GTF2IRD1: variants seen among roughly 807,000 people sequenced by gnomAD.
GTF2IRD1 encodes the protein general transcription factor II-I repeat domain-containing protein 1.
A neutral mutation model predicts 113.2 loss-of-function variants in GTF2IRD1; 26 were observed. That is an observed-to-expected ratio of 0.23 (90% CI 0.17 to 0.32). The LOEUF (loss-of-function observed/expected upper bound fraction) is 0.32. Ranked by LOEUF, GTF2IRD1 falls within the 10% of genes least tolerant of loss-of-function variation. The pLI, the probability that GTF2IRD1 is intolerant of heterozygous loss-of-function variation, is 1.00. For missense variants in GTF2IRD1, 864 were observed against 1,280.8 expected (o/e 0.67, Z 4.97); for synonymous variants, 484 against 529.1 (o/e 0.91, Z 1.17).
rs1355523769 is a variant in GTF2IRD1 at position 74,534,903 on chromosome 7, C to CAAAAAT, written c.1275-194_1275-189dup. 5.3e-5 allele frequency among the ~76,000 whole-genome samples: 8 copies of CAAAAAT among 151,978 alleles called. No homozygotes were observed. In the South Asian group the frequency reaches 1.7e-3, roughly 32 times the overall value. On this transcript the variant is annotated intron_variant, in intron 9 of 26. Coordinates refer to ENST00000424337, the MANE Select transcript of GTF2IRD1 (RefSeq NM_005685.4). ...GGGCGACAAAGTGAGACTCTGTCTC[C>CAAAAAT]AAAAATAAAAATAAAAATAAACGGT...
chr7:74,542,357 C>CT (rs1416718971), intron 14 of GTF2IRD1, among the ~76,000 whole-genome samples: 5 of 151,858 alleles, frequency 3.3e-5, no homozygotes, highest in African/African-American at 1.2e-4. Context: ...GATCACGCCA[C>CT]TGCACTCCAG....
chr7:74,524,262 G>GGC, intron 8 of GTF2IRD1, 108 bp downstream of exon 8: 1 of 592,304 alleles, frequency 1.7e-6, no homozygotes. Flanking sequence ...CCATATGCTG[G>GGC]CTCCCGCGCG....
chr7:74,534,263 G>A (rs1303077851), intron 9 of GTF2IRD1, among the ~76,000 whole-genome samples: 4 of 152,192 alleles, frequency 2.6e-5, no homozygotes, highest in African/African-American at 9.6e-5. Flanking sequence ...GACCCTCCAA[G>A]ACCGCCCCAG....
intron 25 of GTF2IRD1, among the ~76,000 whole-genome samples, chr7:74,598,146 C>T (rs1248982902): frequency 6.6e-6 from 1 of 151,980 alleles, no homozygotes. Context: ...GTGCTTGAGG[C>T]CGGAAGGTGG....
intron 1 of GTF2IRD1, among the ~76,000 whole-genome samples, chr7:74,476,556 G>GT (rs1345023095): frequency 3.3e-5 from 5 of 151,946 alleles, no homozygotes; most frequent in African/African-American, 1.2e-4. Flanking sequence ...TAGAGATGGG[G>GT]TTTCACTGTG....
chr7:74,579,729 C>A (rs1554365611), intron 22 of GTF2IRD1, among the ~76,000 whole-genome samples: 1 of 151,964 alleles, frequency 6.6e-6, no homozygotes. Context: ...CAGGTGTGGG[C>A]CACCATGCCC....
At chr7:74,592,445 C>CT (rs1207713323) in intron 24 of GTF2IRD1, among the ~76,000 whole-genome samples, 1 of 151,684 alleles carries the variant, frequency 6.6e-6, no homozygotes, top group Non-Finnish European at 1.5e-5. Context: ...TCTCGAACTC[C>CT]TGGGCTCAAG....
At chr7:74,572,097 G>T (rs1375760620) in intron 22 of GTF2IRD1, among the ~76,000 whole-genome samples, 3 of 152,164 alleles carry the variant, frequency 2.0e-5, no homozygotes, top group Admixed American at 2.0e-4. Context: ...TCTCTCTTCT[G>T]TGGGGTCTCC....
rs587635904 is a variant in GTF2IRD1, at chr7:74,568,511, G to A, written c.2320+8856G>A. Among the ~76,000 whole-genome samples, 47 of 152,210 alleles carry A rather than the reference G, an allele frequency of 3.1e-4. No homozygotes were observed. The South Asian group carries it at 6.6e-3, about 22-fold the overall frequency. On this transcript the variant is annotated intron_variant, in intron 22 of 26. Coordinates refer to ENST00000424337, the MANE Select transcript of GTF2IRD1 (RefSeq NM_005685.4). ...AAAATACAAAAAATTAGCTGGGCGT[G>A]ATGGCGGGCACCTGTAGTCCCAGCT...
At chr7:74,576,840 C>G (rs1801104156) in intron 22 of GTF2IRD1, among the ~76,000 whole-genome samples, 1 of 151,274 alleles carries the variant, frequency 6.6e-6, no homozygotes, top group Non-Finnish European at 1.5e-5. Context: ...AGGCTGGTCT[C>G]AAACTCCTGA....
At chr7:74,589,431 C>T (rs181942428) in intron 22 of GTF2IRD1, among the ~76,000 whole-genome samples, 30 of 152,264 alleles carry the variant, frequency 2.0e-4, no homozygotes, top group Admixed American at 1.5e-3. Context: ...GGCACAGTGG[C>T]TCACACCTGT....
intron 3 of GTF2IRD1, among the ~76,000 whole-genome samples, chr7:74,513,505 T>C (rs1554343645): frequency 3.9e-5 from 6 of 152,046 alleles, no homozygotes; most frequent in Admixed American, 2.0e-4. Context: ...GGGTTTCACC[T>C]TGTTGGCCAG....
chr7:74,513,804 G>T (rs1796769500), intron 3 of GTF2IRD1, among the ~76,000 whole-genome samples: 1 of 152,112 alleles, frequency 6.6e-6, no homozygotes, highest in Non-Finnish European at 1.5e-5. Context: ...TTGAGCCCAG[G>T]AGTTGGAGAC....
chr7:74,573,152 A>T (rs142218597), intron 22 of GTF2IRD1, among the ~76,000 whole-genome samples: 1,676 of 152,136 alleles, frequency 0.011, 16 homozygotes, highest in Non-Finnish European at 0.018. Flanking sequence ...TACACTTGTC[A>T]TCCCAGCACT....
intron 8 of GTF2IRD1, among the ~76,000 whole-genome samples, chr7:74,527,533 T>C (rs138268858): frequency 6.6e-6 from 1 of 152,068 alleles, no homozygotes; most frequent in East Asian, 1.9e-4. Context: ...AGGAACATAG[T>C]AGGTGCTTAA....
In GTF2IRD1 at chr7:74,589,919, G is replaced by A. The variant is rs148790797; in HGVS notation, c.2389G>A (p.Glu797Lys). 19 of 1,604,696 alleles carry A rather than the reference G, an allele frequency of 1.2e-5. No homozygotes were observed. The South Asian group carries it at 1.4e-4, about 12-fold the overall frequency. ...LREQVKELFNEKYGEALGLNR... is the reference protein window; with the variant it reads ...LREQVKELFNKKYGEALGLNR... The stretch of plus-strand genomic sequence containing the variant: ...GGAGCAGGTGAAGGAACTCTTCAAC[G>A]AGAAATACGGTCAGTGCCTGTGGTC... The change falls in exon 23 of 27, where the codon GAG (glutamate) becomes AAG (lysine). Residue 797 changes from glutamate to lysine, a missense_variant. Transcript: ENST00000424337.
intron 2 of GTF2IRD1, among the ~76,000 whole-genome samples, chr7:74,510,184 G>A (rs953476053): frequency 4.6e-5 from 7 of 152,144 alleles, no homozygotes; most frequent in African/African-American, 1.7e-4. Flanking sequence ...TTCATGAGGA[G>A]GGGGCCCCAG....
intron 24 of GTF2IRD1, among the ~76,000 whole-genome samples, chr7:74,591,669 T>G (rs1554369712): frequency 6.6e-6 from 1 of 151,510 alleles, no homozygotes; most frequent in African/African-American, 2.4e-5. Flanking sequence ...CGTGAGCCAC[T>G]GCACCCAGCC....
At chr7:74,520,112 A>AAG (rs1797189113) in intron 6 of GTF2IRD1, among the ~76,000 whole-genome samples, 1 of 150,454 alleles carries the variant, frequency 6.6e-6, no homozygotes. Flanking sequence ...AAAAAAAAAA[A>AAG]AAAAAAAGCA....
Sources: gnomAD v4.1 joint callset for allele counts (sites outside exome capture counted in the v4.1 genomes callset) on GRCh38, gnomAD v4.1.1 for gene constraint, MANE v1.5 for transcripts, NCBI Gene and HGNC (gene_info 2026-07-23, HGNC 2026-07-21) for gene names.